The following MLIP variants were observed in gnomAD, a reference collection of about 807,000 sequenced individuals.
MLIP encodes muscular LMNA-interacting protein.
A neutral mutation model predicts 84.8 loss-of-function variants in MLIP; 79 were observed. The observed-to-expected ratio is 0.93, with a 90% CI of 0.78 to 1.12. MLIP has a LOEUF of 1.12. Among genes scored for constraint, MLIP ranks in the 50% most tolerant of loss-of-function variants. MLIP has a pLI of 0.00. For synonymous variants in MLIP, 504 were observed against 463.0 expected, an observed-to-expected ratio of 1.09 and a Z score of -1.14; for missense variants, 1,257 against 1,160.6, an observed-to-expected ratio of 1.08 and a Z score of -1.21.
intron 12 of MLIP, among the ~76,000 whole-genome samples, chr6:54,245,039 C>T (rs958036023): frequency 3.3e-5 from 5 of 152,128 alleles, no homozygotes; most frequent in Admixed American, 3.3e-4. Context: ...ACTGACTATG[C>T]TTGTATTTTA....
In MLIP at chr6:54,170,684, A is replaced by G. The variant is rs562696808; in HGVS notation, c.2544+1112A>G. On this transcript the variant is annotated intron_variant, in intron 9 of 13. Coordinates refer to ENST00000502396, the MANE Select transcript of MLIP (RefSeq NM_001281747.2). ...GTGCCTTTGTTTCTTCATCTATGAA[A>G]TGGGGATACTAATAATTTTCTTATG... Among the ~76,000 whole-genome samples the G allele has an allele frequency of 8.7e-4, 132 of 151,674 alleles. 2 individuals are homozygous for G. The highest frequency in any genetic ancestry group is 2.2e-3 in the Admixed American group (34 of 15,182).
intron 1 of MLIP, among the ~76,000 whole-genome samples, chr6:54,103,682 T>G (rs756341759): frequency 2.0e-4 from 31 of 152,192 alleles, no homozygotes; most frequent in Non-Finnish European, 4.0e-4. Flanking sequence ...CTGCCTTCAC[T>G]AATTCTGCTG....
At chr6:54,045,235 C>G (rs1417002753) in intron 1 of MLIP, among the ~76,000 whole-genome samples, 2 of 151,850 alleles carry the variant, frequency 1.3e-5, no homozygotes, top group Non-Finnish European at 2.9e-5. Flanking sequence ...GTAATCCCAG[C>G]TACTCAGGAG....
intron 12 of MLIP, among the ~76,000 whole-genome samples, chr6:54,241,770 C>G (rs1264029030): frequency 6.6e-6 from 1 of 151,978 alleles, no homozygotes; most frequent in Non-Finnish European, 1.5e-5. Context: ...TTCTAAGCAG[C>G]TGCTCTTGAG....
At chr6:54,238,659 G>A (rs1005407882) in intron 12 of MLIP, among the ~76,000 whole-genome samples, 9 of 152,166 alleles carry the variant, frequency 5.9e-5, no homozygotes, top group African/African-American at 1.9e-4. Flanking sequence ...TGATCTGTTG[G>A]CAGAAGCAAG....
At chr6:54,112,536 T>C (rs76530659) in intron 1 of MLIP, among the ~76,000 whole-genome samples, 4,391 of 152,320 alleles carry the variant, frequency 0.029, 96 homozygotes, top group Middle Eastern at 0.11. Flanking sequence ...GATATGTATG[T>C]GGACAGGAAT....
intron 3 of MLIP, among the ~76,000 whole-genome samples, chr6:54,132,172 G>A (rs1771434989): frequency 6.6e-6 from 1 of 152,198 alleles, no homozygotes; most frequent in Non-Finnish European, 1.5e-5. Context: ...TGGAACAAAA[G>A]ACTGCGTTTA....
At position 54,195,809 on chromosome 6, in the gene MLIP, C is replaced by G. The variant is rs1236024781; in HGVS notation, c.2589+5895C>G. 2.0e-5 allele frequency among the ~76,000 whole-genome samples: 3 copies of G among 152,176 alleles called. No homozygotes were observed. In the East Asian group the frequency reaches 5.8e-4, roughly 29 times the overall value. The stretch of plus-strand genomic sequence containing the variant: ...CAGATATAATATCCTCTTCTCCTCC[C>G]CACTCTCCACTCTTGAATTCTCTAA... On this transcript the variant is annotated intron_variant, in intron 10 of 13. Transcript: ENST00000502396.
At chr6:54,060,969 T>C (rs1221117629) in intron 1 of MLIP, among the ~76,000 whole-genome samples, 1 of 151,056 alleles carries the variant, frequency 6.6e-6, no homozygotes, top group African/African-American at 2.4e-5. Flanking sequence ...GACAGAGGTT[T>C]CAAGTTTTAC....
intron 5 of MLIP, among the ~76,000 whole-genome samples, chr6:54,159,902 C>T (rs1396908148): frequency 6.6e-6 from 1 of 151,994 alleles, no homozygotes; most frequent in Non-Finnish European, 1.5e-5. Context: ...AAGCTGGAGG[C>T]ATCACACTCC....
intron 10 of MLIP, among the ~76,000 whole-genome samples, chr6:54,199,696 AAGTATGAAC>A (rs1200844398): frequency 6.6e-6 from 1 of 152,096 alleles, no homozygotes; most frequent in Non-Finnish European, 1.5e-5. Flanking sequence ...ATAGGATGAG[AAGTATGAAC>A]AATGTCAAAG....
intron 1 of MLIP, among the ~76,000 whole-genome samples, chr6:54,119,573 A>AATAT (rs1561947688): frequency 6.6e-6 from 1 of 152,170 alleles, no homozygotes; most frequent in Non-Finnish European, 1.5e-5. Flanking sequence ...TGTTGGTCAA[A>AATAT]ATATATATAA....
At chr6:54,091,210 T>TGA (rs1767852423) in intron 1 of MLIP, among the ~76,000 whole-genome samples, 1 of 152,122 alleles carries the variant, frequency 6.6e-6, no homozygotes, top group Non-Finnish European at 1.5e-5. Context: ...GGTTGATGAG[T>TGA]GAAAGCTGAG....
chr6:54,105,879 A>T (rs988060206), intron 1 of MLIP, among the ~76,000 whole-genome samples: 3 of 152,134 alleles, frequency 2.0e-5, no homozygotes, highest in Non-Finnish European at 4.4e-5. Context: ...TGGTAGGTGT[A>T]AGATCATTGG....
intron 2 of MLIP, among the ~76,000 whole-genome samples, chr6:54,123,614 A>C (rs1211632914): frequency 6.6e-6 from 1 of 152,208 alleles, no homozygotes; most frequent in Non-Finnish European, 1.5e-5. Flanking sequence ...CCAGAGTTGA[A>C]ATTATTAGCA....
intron 1 of MLIP, among the ~76,000 whole-genome samples, chr6:54,112,788 G>GT (rs2150410263): frequency 6.6e-6 from 1 of 152,206 alleles, no homozygotes; most frequent in South Asian, 2.1e-4. Context: ...TGCCTTTATT[G>GT]TCAGGATGTG....
chr6:54,076,100 T>G (rs1392992648), intron 1 of MLIP, among the ~76,000 whole-genome samples: 1 of 152,194 alleles, frequency 6.6e-6, no homozygotes, highest in Non-Finnish European at 1.5e-5. Context: ...CTGGTAAGCA[T>G]CAGTATGGTA....
At chr6:54,175,559 G>A (rs994877837) in intron 9 of MLIP, among the ~76,000 whole-genome samples, 2 of 151,762 alleles carry the variant, frequency 1.3e-5, no homozygotes, top group African/African-American at 4.8e-5. Flanking sequence ...GTTCACTATT[G>A]GTATGTAGAA....
intron 1 of MLIP, among the ~76,000 whole-genome samples, chr6:54,027,027 A>G (rs1345444011): frequency 2.0e-5 from 3 of 152,190 alleles, no homozygotes; most frequent in African/African-American, 7.2e-5. Context: ...ATACCAAATG[A>G]TGCCTATTTA....
Sources: allele counts gnomAD v4.1 joint callset (sites outside exome capture counted in the v4.1 genomes callset), GRCh38; gene constraint gnomAD v4.1.1; transcripts MANE v1.5; gene names NCBI Gene and HGNC (gene_info 2026-07-23, HGNC 2026-07-21).